Variants in CAPN1 observed in about 807,000 individuals in gnomAD.
CAPN1 encodes the protein calpain 1.
A neutral mutation model predicts 105.2 loss-of-function variants in CAPN1; 77 were observed. The ratio of observed to expected loss-of-function variants is 0.73; its 90% CI spans 0.61 to 0.88. CAPN1 has a LOEUF of 0.88. CAPN1 is among the 40% of genes least tolerant of loss of function. The pLI, the probability that CAPN1 is intolerant of heterozygous loss-of-function variation, is 0.00. For missense variants in CAPN1, 833 were observed against 976.6 expected, an observed-to-expected ratio of 0.85 and a Z score of 1.96; for synonymous variants, 355 against 388.8, an observed-to-expected ratio of 0.91 and a Z score of 1.02.
Position 65,208,765 on chromosome 11 carries a change from G to A in CAPN1, c.1729+503G>A. On this transcript the variant is annotated intron_variant, in intron 16 of 21. Transcript: ENST00000279247. This position sits in a 1 kb window ranked among gnomAD's most constrained non-coding sequence, Gnocchi z 4.1. ...AGTGCACTCCAGCCTGGGCAACAGA[G>A]CAAGACCCTGTCTCAAAAAAAAAAG... is the stretch of plus-strand genomic sequence containing the variant. 1 of 232,328 alleles carries A rather than the reference G, an allele frequency of 4.3e-6. No homozygotes were observed. Among genetic ancestry groups the A allele is most frequent in the East Asian group, 1.1e-4 (1 of 9,494 alleles). 14.4% of individuals were successfully genotyped at this position (232,328 alleles called of 1,614,324 possible).
Position 65,209,784 on chromosome 11 carries a change from GCA to G in CAPN1, c.1795-62_1795-61del. 1.3e-6 allele frequency: 2 copies of G among 1,526,390 alleles called. No homozygotes were observed. Among genetic ancestry groups the G allele is most frequent in the Non-Finnish European group, 1.8e-6 (2 of 1,113,034 alleles). The allele number at this position is 1,526,390 out of a possible 1,614,324, so 94.6% of individuals were successfully genotyped here. ...CGGCTCGGCGGCCATCTCCCCTTCT[GCA>G]CAGTTGCCCACTCTCCCATGACTGG... On this transcript the variant is annotated intron_variant, in intron 17 of 21. Coordinates refer to ENST00000279247, the MANE Select transcript of CAPN1 (RefSeq NM_005186.4). This position sits in a 1 kb window ranked among gnomAD's most constrained non-coding sequence, Gnocchi z 4.1.
At position 65,210,353 on chromosome 11, in the gene CAPN1, A is replaced by T; in HGVS notation, c.1960A>T (p.Lys654Ter). The T allele has an allele frequency of 6.2e-7, 1 of 1,611,756 alleles. No homozygotes were observed. The highest frequency in any genetic ancestry group is 8.5e-7 in the Non-Finnish European group (1 of 1,178,406). Residue 654 changes from lysine to a stop codon, truncating the protein, a stop_gained, in exon 20 of 22, where the codon AAG becomes TAG. Transcript: ENST00000279247. LOFTEE classifies it high-confidence loss of function. The surrounding 1 kb of genome is among the most constrained non-coding windows in gnomAD (Gnocchi z 4.3). ...IESAGFKLNKKLYELIITRYS... is the reference protein window; with the variant it reads ...IESAGFKLNK ...TGGACCAGGCTTCAAGCTCAACAAGAAGCTGTACGAGCTCATCATCACCCG... is the reference window on the plus strand; with the variant it reads ...TGGACCAGGCTTCAAGCTCAACAAGTAGCTGTACGAGCTCATCATCACCCG...
chr11:65,202,692 C>A (rs926553520), intron 10 of CAPN1, among the ~76,000 whole-genome samples: 4 of 152,118 alleles, frequency 2.6e-5, no homozygotes, highest in African/African-American at 9.7e-5. Context: ...ATCCAGCTGC[C>A]TCAGCCTCCC....
At position 65,183,114 on chromosome 11, in the gene CAPN1, T is replaced by A. The variant is rs1948569576; in HGVS notation, c.268-14T>A. 1 of 1,613,778 alleles carries A rather than the reference T, an allele frequency of 6.2e-7. No homozygotes were observed. The highest frequency in any genetic ancestry group is 8.5e-7 in the Non-Finnish European group (1 of 1,179,732). On this transcript the variant is annotated splice_polypyrimidine_tract_variant and intron_variant, in intron 2 of 21. Coordinates refer to ENST00000279247, the MANE Select transcript of CAPN1 (RefSeq NM_005186.4). ...AGGGGCTGGCCGAGGAACAGGACTC[T>A]GGGTCTCTCGTAGGAACTGCTGTCA...
At chr11:65,199,168 G>A (rs889271182) in intron 10 of CAPN1, among the ~76,000 whole-genome samples, 3 of 152,044 alleles carry the variant, frequency 2.0e-5, no homozygotes, top group African/African-American at 7.2e-5. Flanking sequence ...TTTTAGCAAG[G>A]GTCTGTTGGT....
chr11:65,195,100 G>GTTTTTTTTTTTT (rs60778423), intron 10 of CAPN1, among the ~76,000 whole-genome samples: 1 of 90,906 alleles, frequency 1.1e-5, no homozygotes. Flanking sequence ...GTTTTTTGGG[G>GTTTTTTTTTTTT]TTTTTTTTTT....
chr11:65,186,245 C>T lies in CAPN1; in HGVS notation c.666C>T (p.Thr222=), dbSNP rs755699135. ...TTGAGGACTTCACAGGCGGGGTTACCGAGTGGTACGAGTTGCGCAAGGCTC... is the reference window on the plus strand; with the variant it reads ...TTGAGGACTTCACAGGCGGGGTTACTGAGTGGTACGAGTTGCGCAAGGCTC... ...EGFEDFTGGV[T]EWYELRKAPS... is the part of the protein sequence containing the mutation. The change falls in exon 6 of 22, where the codon ACC becomes ACT. Residue 222 remains threonine, a synonymous_variant. Transcript: ENST00000279247. 5 of 1,613,558 alleles carry T rather than the reference C, an allele frequency of 3.1e-6. No individual in the cohort carries two copies. Among genetic ancestry groups the T allele is most frequent in the South Asian group, 1.1e-5 (1 of 91,042 alleles).
chr11:65,182,373 C>T (rs1169567093), intron 1 of CAPN1: 3 of 287,008 alleles, frequency 1.0e-5, no homozygotes, highest in African/African-American at 6.5e-5. Context: ...TGCTGTGTCC[C>T]ACCTGCCCAG....
chr11:65,188,087 G>C lies in CAPN1; in HGVS notation c.929+47G>C, dbSNP rs1443869926. 3 of 1,325,860 alleles carry C rather than the reference G, an allele frequency of 2.3e-6. No individual in the cohort carries two copies. In the Admixed American group the frequency reaches 7.0e-5, roughly 31 times the overall value. 82.1% of individuals were successfully genotyped at this position (1,325,860 alleles called of 1,614,324 possible). ...CTGGAGTGCCTTGGGGAAACTGTTA[G>C]GTGCCCCGACATTTCTGCTCGGGAC... On this transcript the variant is annotated intron_variant, in intron 8 of 21. Transcript: ENST00000279247. The surrounding 1 kb of genome is among the most constrained non-coding windows in gnomAD (Gnocchi z 5.5).
intron 10 of CAPN1, among the ~76,000 whole-genome samples, chr11:65,196,576 A>G (rs955232328): frequency 6.6e-6 from 1 of 152,092 alleles, no homozygotes; most frequent in Non-Finnish European, 1.5e-5. Context: ...AAATACTAGA[A>G]CTTATTCCTT....
At chr11:65,185,801 G>C in intron 4 of CAPN1, 116 bp from the exon 5 acceptor site, 1 of 1,052,230 alleles carries the variant, frequency 9.5e-7, no homozygotes, top group Non-Finnish European at 1.4e-6. Context: ...TTTAGTCTAT[G>C]TGTATCTAGT....
In CAPN1 at chr11:65,210,162, C is replaced by T. The variant is rs535329618; in HGVS notation, c.1942+66C>T. 9.9e-5 allele frequency: 139 copies of T among 1,397,546 alleles called. 1 individual carries two copies. In the East Asian group the frequency reaches 3.2e-3, roughly 32 times the overall value. 86.6% of individuals were successfully genotyped at this position (1,397,546 alleles called of 1,614,324 possible). A position where few individuals can be genotyped will look rare whatever the true frequency, so the allele number is the denominator to read the frequency against. On this transcript the variant is annotated intron_variant, in intron 19 of 21. Transcript: ENST00000279247. The surrounding 1 kb of genome is among the most constrained non-coding windows in gnomAD (Gnocchi z 4.3). ...AGGTAGCCCCACTGCTCCTATGCCC[C>T]AGGCCCTTGTCCCTGGGGTGCTAGT...
At chr11:65,206,901 C>A (rs1349435654) in intron 14 of CAPN1, 82 bp downstream of exon 14, 20 of 1,325,132 alleles carry the variant, frequency 1.5e-5, no homozygotes, top group Non-Finnish European at 2.1e-5. Context: ...GTGTCCTGTC[C>A]CCTGAGTTCC....
Position 65,187,230 on chromosome 11 carries a change from G to A in CAPN1, c.775G>A (p.Asp259Asn), listed in dbSNP as rs1948647024. 1.2e-6 allele frequency: 2 copies of A among 1,612,976 alleles called. No homozygotes were observed. The highest frequency in any genetic ancestry group is 1.7e-6 in the Non-Finnish European group (2 of 1,179,422). The change falls in exon 7 of 22, where the codon GAC becomes AAC. Residue 259 changes from aspartate (D) to asparagine (N), a missense_variant. Transcript: ENST00000279247. ...CTTTCTGCAGATCTCCAGCGTTCTAGACATGGAGGCCATCACTTTCAAGAA... is the reference window on the plus strand; with the variant it reads ...CTTTCTGCAGATCTCCAGCGTTCTAAACATGGAGGCCATCACTTTCAAGAA... ...GCSIDISSVL[D>N]MEAITFKKLV...
chr11:65,195,788 G>A lies in CAPN1; in HGVS notation c.1165+7042G>A, dbSNP rs17882024. Reference sequence around the variant, plus strand: ...GTGTCCCCTCATCTTCAGTTATTTAGAAGAGTTTGAGGATTGGTGTTAATT... The same window carrying A: ...GTGTCCCCTCATCTTCAGTTATTTAAAAGAGTTTGAGGATTGGTGTTAATT... On this transcript the variant is annotated intron_variant, in intron 10 of 21. Coordinates refer to ENST00000279247, the MANE Select transcript of CAPN1 (RefSeq NM_005186.4). 2.3e-3 allele frequency among the ~76,000 whole-genome samples: 349 copies of A among 152,276 alleles called. 1 individual carries two copies. Among genetic ancestry groups the A allele is most frequent in the Non-Finnish European group, 3.6e-3 (245 of 68,014 alleles).
At chr11:65,193,088 C>T (rs1194962366) in intron 10 of CAPN1, among the ~76,000 whole-genome samples, 6 of 149,856 alleles carry the variant, frequency 4.0e-5, no homozygotes, top group Non-Finnish European at 7.4e-5. Flanking sequence ...TCACGCCATT[C>T]TCCTGCCTCA....
At position 65,210,558 on chromosome 11, in the gene CAPN1, T is replaced by C. The variant is rs1590868687; in HGVS notation, c.2059+106T>C. 1 of 773,608 alleles carries C rather than the reference T, an allele frequency of 1.3e-6. No individual in the cohort carries two copies. Among genetic ancestry groups the C allele is most frequent in the East Asian group, 2.7e-5 (1 of 37,532 alleles). 47.9% of individuals were successfully genotyped at this position (773,608 alleles called of 1,614,324 possible). A position where few individuals can be genotyped will look rare whatever the true frequency, so the allele number is the denominator to read the frequency against. On this transcript the variant is annotated intron_variant, in intron 20 of 21. Transcript: ENST00000279247. The surrounding 1 kb of genome is among the most constrained non-coding windows in gnomAD (Gnocchi z 4.3). ...TGAATTAGCAGATACAGGCCAGTGC[T>C]GTGGGTGTGTGCCAGAGAGGCCTGG... is the stretch of plus-strand genomic sequence containing the variant.
Position 65,188,350 on chromosome 11 carries a change from C to A in CAPN1, c.930-64C>A, listed in dbSNP as rs114424251. The A allele has an allele frequency of 1.5e-5, 21 of 1,437,510 alleles. No homozygotes were observed. Among genetic ancestry groups the A allele is most frequent in the Non-Finnish European group, 2.0e-5 (21 of 1,041,192 alleles). The allele number at this position is 1,437,510 out of a possible 1,614,324, so 89.0% of individuals were successfully genotyped here. A position where few individuals can be genotyped will look rare whatever the true frequency, so the allele number is the denominator to read the frequency against. ...GGGAAGACAGGCCAGGGTAGACAGGCCCCAGGGACAGAGGCCAGGCAGGTC... is the reference window on the plus strand; with the variant it reads ...GGGAAGACAGGCCAGGGTAGACAGGACCCAGGGACAGAGGCCAGGCAGGTC... On this transcript the variant is annotated intron_variant, in intron 8 of 21. Coordinates refer to ENST00000279247, the MANE Select transcript of CAPN1 (RefSeq NM_005186.4). The surrounding 1 kb of genome is among the most constrained non-coding windows in gnomAD (Gnocchi z 5.5).
At chr11:65,207,299 A>G (rs1948976122) in intron 14 of CAPN1, among the ~76,000 whole-genome samples, 1 of 148,006 alleles carries the variant, frequency 6.8e-6, no homozygotes, top group Non-Finnish European at 1.5e-5. Context: ...TCCTGGGTTC[A>G]GGTGATTCTC....
Sources: allele counts gnomAD v4.1 joint callset (sites outside exome capture counted in the v4.1 genomes callset), GRCh38; gene constraint gnomAD v4.1.1; non-coding constraint Gnocchi (gnomAD v3.1); transcripts MANE v1.5; gene names NCBI Gene and HGNC (gene_info 2026-07-23, HGNC 2026-07-21).